Variants in PRKCH observed in about 807,000 individuals in gnomAD.
PRKCH encodes the protein protein kinase C eta.
Under a neutral mutation model 82.5 loss-of-function variants are expected in PRKCH, and 28 were observed. The ratio of observed to expected loss-of-function variants is 0.34; its 90% CI spans 0.25 to 0.47. The LOEUF is 0.47. Among genes scored for constraint, PRKCH ranks in the 20% least tolerant of loss-of-function variants. PRKCH has a pLI of 1.00. For missense variants in PRKCH, 705 were observed against 881.8 expected, an observed-to-expected ratio of 0.80 and a Z score of 2.54; for synonymous variants, 322 against 327.4, an observed-to-expected ratio of 0.98 and a Z score of 0.18.
chr14:61,268,763 T>C (rs2045126468), intron 1 of PRKCH, among the ~76,000 whole-genome samples: 1 of 152,226 alleles, frequency 6.6e-6, no homozygotes, highest in African/African-American at 2.4e-5. Context: ...TTTGCTTTGA[T>C]TGAATGACTG....
intron 1 of PRKCH, among the ~76,000 whole-genome samples, chr14:61,330,445 T>C (rs1328948426): frequency 6.6e-6 from 1 of 152,234 alleles, no homozygotes; most frequent in Non-Finnish European, 1.5e-5. Context: ...TGTGAACAGA[T>C]GACCTGCAAA....
At position 61,300,476 on chromosome 14, in the gene PRKCH, G is replaced by C. The variant is rs563707072; in HGVS notation, c.-19+112808G>C. 3.0e-4 allele frequency among the ~76,000 whole-genome samples: 46 copies of C among 152,264 alleles called. No individual in the cohort carries two copies. In the Middle Eastern group the frequency reaches 0.01, roughly 34 times the overall value. ...GTCTTATGTTCAAAGATCACAATGT[G>C]GGGTAGAGGAGAATAACTATATTTA... is the stretch of plus-strand genomic sequence containing the variant. On this transcript the variant is annotated intron_variant, in intron 1 of 3. Transcript: ENST00000555185.
intron 1 of PRKCH, among the ~76,000 whole-genome samples, chr14:61,381,894 G>A (rs972575378): frequency 6.6e-6 from 1 of 152,214 alleles, no homozygotes; most frequent in African/African-American, 2.4e-5. Flanking sequence ...AGCAGTCAGA[G>A]CAGCCTCAAG....
chr14:61,234,397 A>T (rs1272764833), intron 1 of PRKCH, among the ~76,000 whole-genome samples: 1 of 152,136 alleles, frequency 6.6e-6, no homozygotes, highest in African/African-American at 2.4e-5. Flanking sequence ...TCCCTTGGTA[A>T]GAATTGCATA....
In PRKCH at chr14:61,441,727, A is replaced by AAT. The variant is rs1412829335; in HGVS notation, c.428-1384_428-1383insAT. ...TCTTTCTTTCAATTTTCTGCTTTGT[A>AAT]TTTTTTTTTTTTTTTTTGCCAAATA... On this transcript the variant is annotated intron_variant, in intron 2 of 13. Coordinates refer to ENST00000332981, the MANE Select transcript of PRKCH (RefSeq NM_006255.5). Among the ~76,000 whole-genome samples, 1,776 of 127,088 alleles carry AAT rather than the reference A, an allele frequency of 0.014. 50 individuals carry two copies. In the East Asian group the frequency reaches 0.17, roughly 12 times the overall value. The allele number at this position is 127,088 out of a possible 152,430, so 83.4% of individuals were successfully genotyped here.
At chr14:61,261,070 T>C (rs2045039507) in intron 1 of PRKCH, among the ~76,000 whole-genome samples, 1 of 151,874 alleles carries the variant, frequency 6.6e-6, no homozygotes. Flanking sequence ...AATCCTAGAG[T>C]AATCGGTTCC....
chr14:61,331,855 T>C (rs1230936654), intron 1 of PRKCH, among the ~76,000 whole-genome samples: 7 of 152,230 alleles, frequency 4.6e-5, no homozygotes, highest in Non-Finnish European at 7.3e-5. Flanking sequence ...AGAATTAAAT[T>C]GGTCCAAATC....
At chr14:61,423,128 A>C (rs1402403267) in intron 2 of PRKCH, among the ~76,000 whole-genome samples, 2 of 152,200 alleles carry the variant, frequency 1.3e-5, no homozygotes, top group Non-Finnish European at 2.9e-5. Context: ...TCACTCTTAC[A>C]CCACAGTTGC....
At chr14:61,270,419 C>T (rs2211211) in intron 1 of PRKCH, among the ~76,000 whole-genome samples, 133,673 of 152,240 alleles carry the variant, frequency 0.88, 58,764 homozygotes, top group Middle Eastern at 0.92. Context: ...TTTTTCCTCC[C>T]TCATACAGTG....
chr14:61,207,942 G>A (rs2044540231), intron 1 of PRKCH, among the ~76,000 whole-genome samples: 1 of 152,202 alleles, frequency 6.6e-6, no homozygotes, highest in South Asian at 2.1e-4. Flanking sequence ...GTTGTCCCCA[G>A]CCTGACATGG....
intron 5 of PRKCH, among the ~76,000 whole-genome samples, chr14:61,449,856 GTCTCTCTCTCTC>G (rs149977373): frequency 0.013 from 1,838 of 142,294 alleles, 36 homozygotes; most frequent in African/African-American, 0.042. Flanking sequence ...CAGGGAAGAT[GTCTCTCTCTCTC>G]TCTCTCTCTC....
chr14:61,504,433 A>G (rs936781067), intron 10 of PRKCH, among the ~76,000 whole-genome samples: 4 of 151,664 alleles, frequency 2.6e-5, no homozygotes, highest in African/African-American at 9.7e-5. Flanking sequence ...TAAGTCATCT[A>G]CTCACCTCGG....
intron 1 of PRKCH, among the ~76,000 whole-genome samples, chr14:61,294,462 AT>A (rs1224922854): frequency 6.6e-6 from 1 of 151,770 alleles, no homozygotes; most frequent in African/African-American, 2.4e-5. Flanking sequence ...TTGATTTAGG[AT>A]CATAATTCCC....
chr14:61,446,497 A>G (rs1376744906), intron 4 of PRKCH, among the ~76,000 whole-genome samples: 6 of 152,242 alleles, frequency 3.9e-5, no homozygotes, highest in African/African-American at 1.4e-4. Context: ...GCAGTAGCCT[A>G]TGTGTGGATA....
chr14:61,357,874 C>T (rs1448812284), intron 1 of PRKCH, among the ~76,000 whole-genome samples: 1 of 152,082 alleles, frequency 6.6e-6, no homozygotes, highest in African/African-American at 2.4e-5. Context: ...GGCCTTGGGA[C>T]TTCATCTGCT....
intron 1 of PRKCH, among the ~76,000 whole-genome samples, chr14:61,257,654 T>TACAC (rs2045010947): frequency 2.2e-5 from 3 of 135,732 alleles, no homozygotes; most frequent in Admixed American, 7.2e-5. Flanking sequence ...CACACACGCA[T>TACAC]ACACACACAT....
intron 1 of PRKCH, among the ~76,000 whole-genome samples, chr14:61,375,878 A>C (rs2046422308): frequency 1.3e-5 from 2 of 151,976 alleles, no homozygotes; most frequent in Non-Finnish European, 2.9e-5. Flanking sequence ...GCAAATATTC[A>C]TTAGCCAGGT....
intron 4 of PRKCH, among the ~76,000 whole-genome samples, 172 bp from the exon 5 acceptor site, chr14:61,448,992 T>C (rs963385090): frequency 6.6e-6 from 1 of 151,988 alleles, no homozygotes; most frequent in African/African-American, 2.4e-5. Flanking sequence ...TGAGCAAAGG[T>C]CTGTGTTAGG....
intron 1 of PRKCH, among the ~76,000 whole-genome samples, chr14:61,352,165 C>CCATT (rs1384347596): frequency 1.3e-5 from 2 of 152,150 alleles, no homozygotes; most frequent in African/African-American, 2.4e-5. Context: ...AAGAATCAGG[C>CCATT]CATTAATCAC....
Sources: gnomAD v4.1 joint callset for allele counts (sites outside exome capture counted in the v4.1 genomes callset) on GRCh38, gnomAD v4.1.1 for gene constraint, MANE v1.5 for transcripts, NCBI Gene and HGNC (gene_info 2026-07-23, HGNC 2026-07-21) for gene names.